The following PSG2 variants were observed in gnomAD, a reference collection of about 807,000 sequenced individuals.
PSG2 encodes the protein pregnancy specific beta-1-glycoprotein 2, also known as pregnancy-specific beta-1-glycoprotein 2.
Under a neutral mutation model 36.2 loss-of-function variants are expected in PSG2, and 49 were observed. The observed-to-expected ratio is 1.35, with a 90% confidence interval of 1.08 to 1.72. The LOEUF (loss-of-function observed/expected upper bound fraction) is 1.72. Among genes scored for constraint, PSG2 ranks in the 40% most tolerant of loss-of-function variants. The pLI is 0.00. For synonymous variants in PSG2, 261 were observed against 155.6 expected, an observed-to-expected ratio of 1.68 and a Z score of -5.04; for missense variants, 605 against 407.2, an observed-to-expected ratio of 1.49 and a Z score of -4.18.
At chr19:43,072,273 G>C in intron 3 of PSG2, 1 of 1,582,546 alleles carries the variant, frequency 6.3e-7, no homozygotes, top group Non-Finnish European at 8.6e-7. Flanking sequence ...TACTTGGACC[G>C]GAGAGAGACT....
rs182348252 is a variant in PSG2 at position 43,074,799 on chromosome 19, G to A, written c.709+555C>T. ...CCCTCTATATGTTTTAGTGATTTGA[G>A]GGATAAAGAACACTTGTGCTGATTG... On this transcript the variant is annotated intron_variant, in intron 3 of 5. Coordinates refer to ENST00000406487, the MANE Select transcript of PSG2 (RefSeq NM_031246.4). Among the ~76,000 whole-genome samples the A allele has an allele frequency of 3.2e-4, 49 of 151,862 alleles. No homozygotes were observed. In the East Asian group the frequency reaches 8.1e-3, roughly 25 times the overall value.
At chr19:43,072,762 G>A in intron 3 of PSG2, 1 of 1,484,898 alleles carries the variant, frequency 6.7e-7, no homozygotes, top group African/African-American at 1.4e-5. Flanking sequence ...TGGTGTGTGT[G>A]TCACAAGACA....
chr19:43,064,840 AT>A lies in PSG2; in HGVS notation c.*41-240del, dbSNP rs113072362. ...AATTTTTAGAATACTCATTAAAAAA[AT>A]TTTTTTTTCAGATGGAGTCTCACTC... On this transcript the variant is annotated intron_variant, in intron 5 of 5. Transcript: ENST00000406487. Among the ~76,000 whole-genome samples, 678 of 151,342 alleles carry A rather than the reference AT, an allele frequency of 4.5e-3. 23 individuals are homozygous for A. Among genetic ancestry groups the A allele is most frequent in the African/African-American group, 0.015 (606 of 41,056 alleles).
rs1967876790 is a variant in PSG2 at position 43,075,289 on chromosome 19, C to T, written c.709+65G>A. Reference sequence around the variant, plus strand: ...CTTGGACCTGAGAGGGACTGAGAGGCCTGGCCTCTGGCCATGTGTATTTGG... The same window carrying T: ...CTTGGACCTGAGAGGGACTGAGAGGTCTGGCCTCTGGCCATGTGTATTTGG... On this transcript the variant is annotated intron_variant, in intron 3 of 5. Transcript: ENST00000406487. 1.1e-5 allele frequency: 18 copies of T among 1,612,638 alleles called. 1 individual carries two copies. Among genetic ancestry groups the T allele is most frequent in the Middle Eastern group, 1.7e-4 (1 of 5,996 alleles).
chr19:43,078,914 T>A (rs911176172), intron 2 of PSG2, among the ~76,000 whole-genome samples: 1 of 151,500 alleles, frequency 6.6e-6, no homozygotes, highest in Admixed American at 6.6e-5. Flanking sequence ...GAAGAGCCCT[T>A]GATGGGAATA....
At chr19:43,072,328 G>A (rs947432460) in intron 3 of PSG2, 3 of 1,610,838 alleles carry the variant, frequency 1.9e-6, no homozygotes, top group African/African-American at 2.7e-5. Context: ...TGGTGGCCTG[G>A]CCCACAGAGG....
rs754841976 is a variant in PSG2, at chr19:43,082,495, T to TG, written c.64+10_64+11insC. The TG allele has an allele frequency of 6.2e-7, 1 of 1,610,384 alleles. No individual in the cohort carries two copies. The highest frequency in any genetic ancestry group is 8.5e-7 in the Non-Finnish European group (1 of 1,177,964). Reference sequence around the variant, plus strand: ...CTCCTCCTGTCCTCTCCCAGGAAGTTCTCTCCTCACCTGTGACCAGGAGCC... The same window carrying TG: ...CTCCTCCTGTCCTCTCCCAGGAAGTTGCTCTCCTCACCTGTGACCAGGAGCC... On this transcript the variant is annotated intron_variant, in intron 1 of 5. Coordinates refer to ENST00000406487, the MANE Select transcript of PSG2 (RefSeq NM_031246.4).
At chr19:43,070,450 G>A (rs1308166184) in intron 4 of PSG2, among the ~76,000 whole-genome samples, 1 of 151,674 alleles carries the variant, frequency 6.6e-6, no homozygotes, top group Non-Finnish European at 1.5e-5. Flanking sequence ...CAACCAAAAA[G>A]TCCATTGAAA....
At chr19:43,067,555 C>A (rs1287892770) in intron 4 of PSG2, among the ~76,000 whole-genome samples, 1 of 151,336 alleles carries the variant, frequency 6.6e-6, no homozygotes, top group Non-Finnish European at 1.5e-5. Flanking sequence ...ACACAATAAC[C>A]CTGTCAGGTA....
In PSG2 at chr19:43,071,860, C is replaced by T. The variant is rs1058100; in HGVS notation, c.804G>A (p.Pro268=). ...CATTAATTGTCCAAGAATACTGTGC[C>T]GGTGGGTTAGAGTTCGCGAAGCAAG... The part of the protein sequence containing the change: ...YLSCFANSNP[P]AQYSWTINGK... Residue 268 remains proline, a synonymous_variant, in exon 4 of 6, where the codon CCG becomes CCA. Coordinates refer to ENST00000406487, the MANE Select transcript of PSG2 (RefSeq NM_031246.4). The T allele has an allele frequency of 1.7e-5, 28 of 1,612,950 alleles. No homozygotes were observed. The Admixed American group carries it at 3.2e-4, about 18-fold the overall frequency.
At chr19:43,076,201 A>G (rs910183972) in intron 2 of PSG2, among the ~76,000 whole-genome samples, 8 of 151,676 alleles carry the variant, frequency 5.3e-5, no homozygotes, top group African/African-American at 1.9e-4. Flanking sequence ...GTCATCAGGC[A>G]GTGGAGCCAC....
chr19:43,077,923 T>A (rs1444589496), intron 2 of PSG2, among the ~76,000 whole-genome samples: 3 of 151,660 alleles, frequency 2.0e-5, no homozygotes, highest in Admixed American at 1.3e-4. Context: ...TCCAAGCTTG[T>A]TATATGCCTG....
At chr19:43,081,801 G>C (rs1210346962) in intron 1 of PSG2, 1 of 159,484 alleles carries the variant, frequency 6.3e-6, no homozygotes, top group African/African-American at 2.5e-5. Context: ...GACTCCTGTA[G>C]ATGTGAGACT....
intron 3 of PSG2, chr19:43,072,396 G>A (rs1057188354): frequency 1.1e-5 from 18 of 1,612,448 alleles, no homozygotes; most frequent in Admixed American, 5.0e-5. Context: ...CCACCATATC[G>A]GTCCCGTATT....
In PSG2 at chr19:43,072,343, A is replaced by G. The variant is rs1427164545; in HGVS notation, c.710-389T>C. 2.5e-6 allele frequency: 4 copies of G among 1,612,180 alleles called. No individual in the cohort carries two copies. In the East Asian group the frequency reaches 8.9e-5, roughly 36 times the overall value. Reference sequence around the variant, plus strand: ...TGGTGGCCTGGCCCACAGAGGAACAAAAGATACAGAGGACATTCAGGGTGA... The same window carrying G: ...TGGTGGCCTGGCCCACAGAGGAACAGAAGATACAGAGGACATTCAGGGTGA... On this transcript the variant is annotated intron_variant, in intron 3 of 5. Coordinates refer to ENST00000406487, the MANE Select transcript of PSG2 (RefSeq NM_031246.4).
At position 43,071,283 on chromosome 19, in the gene PSG2, G is replaced by T. The variant is rs1255435674; in HGVS notation, c.964+417C>A. ...CAAGGGGCTTCCTCCTCTCATTTGG[G>T]GGAAAAGTGTGAGCTTGTTTCAAAG... is the stretch of plus-strand genomic sequence containing the variant. On this transcript the variant is annotated intron_variant, in intron 4 of 5. Transcript: ENST00000406487. 4.0e-5 allele frequency among the ~76,000 whole-genome samples: 6 copies of T among 151,594 alleles called. 1 individual carries two copies. Among genetic ancestry groups the T allele is most frequent in the African/African-American group, 1.5e-4 (6 of 41,002 alleles).
chr19:43,066,305 A>T (rs1195631441), intron 5 of PSG2, among the ~76,000 whole-genome samples: 1 of 151,756 alleles, frequency 6.6e-6, no homozygotes, highest in East Asian at 1.9e-4. Context: ...AAATGAGCAG[A>T]GGCTGGAGAT....
At position 43,071,765 on chromosome 19, in the gene PSG2, A is replaced by G. The variant is rs1064936; in HGVS notation, c.899T>C (p.Val300Ala). 1.1e-5 allele frequency: 17 copies of G among 1,612,724 alleles called. No homozygotes were observed. Among genetic ancestry groups the G allele is most frequent in the South Asian group, 2.2e-5 (2 of 91,042 alleles). ...QITTKHSGLY[V>A]CSVRNSATGE... ...AGTGGCTGAGTTACGAACAGAGCAA[A>G]CATAGAGCCCGCTATGCTTTGTAGT... Residue 300 changes from valine (V) to alanine (A), a missense_variant, in exon 4 of 6, where the codon GTT becomes GCT. Physicochemically the swap from Val to Ala is moderately conservative, Grantham distance 64. Coordinates refer to ENST00000406487, the MANE Select transcript of PSG2 (RefSeq NM_031246.4).
At chr19:43,079,863 G>A (rs777803731) in intron 2 of PSG2, among the ~76,000 whole-genome samples, 13 of 151,614 alleles carry the variant, frequency 8.6e-5, no homozygotes, top group Non-Finnish European at 1.5e-4. Flanking sequence ...TGGAGGAGAG[G>A]AAGGGCCTGT....
Sources: allele counts gnomAD v4.1 joint callset (sites outside exome capture counted in the v4.1 genomes callset), GRCh38; gene constraint gnomAD v4.1.1; transcripts MANE v1.5; gene names NCBI Gene and HGNC (gene_info 2026-07-23, HGNC 2026-07-21).